Variants in TENM4 observed in about 807,000 individuals in gnomAD.
TENM4 encodes the protein teneurin-4.
Under a neutral mutation model 243.3 loss-of-function variants are expected in TENM4, and 82 were observed. The observed-to-expected ratio is 0.34, with a 90% CI of 0.28 to 0.40. The LOEUF (loss-of-function observed/expected upper bound fraction) is 0.40. TENM4 is among the 10% of genes least tolerant of loss of function. The probability of loss-of-function intolerance (pLI) is 1.00; values close to 1 mark genes in which losing one functional copy is unlikely to be tolerated. For synonymous variants in TENM4, 1,412 were observed against 1,456.3 expected (o/e 0.97, Z 0.69); for missense variants, 3,138 against 3,673.3 (o/e 0.85, Z 3.77).
At chr11:78,912,675 G>C (rs1358111391) in intron 6 of TENM4, among the ~76,000 whole-genome samples, 1 of 152,210 alleles carries the variant, frequency 6.6e-6, no homozygotes, top group Admixed American at 6.5e-5. Flanking sequence ...TAGGACTGGG[G>C]GAGAGTGCCC....
intron 3 of TENM4, among the ~76,000 whole-genome samples, chr11:79,192,143 G>T (rs1252212239): frequency 4.3e-5 from 6 of 138,650 alleles, no homozygotes; most frequent in Admixed American, 2.2e-4. Context: ...GGAGGGAGGT[G>T]GGGGGGTCAG....
chr11:78,980,605 G>T (rs550127000), intron 6 of TENM4, among the ~76,000 whole-genome samples: 1 of 152,222 alleles, frequency 6.6e-6, no homozygotes, highest in Non-Finnish European at 1.5e-5. Context: ...TAACAGTAGC[G>T]AAGTCTGGCT....
Position 78,868,762 on chromosome 11 carries a change from A to T in TENM4, c.1085-5630T>A, listed in dbSNP as rs115213640. Among the ~76,000 whole-genome samples, 605 of 152,258 alleles carry T rather than the reference A, an allele frequency of 4.0e-3. 4 individuals are homozygous for T. Among genetic ancestry groups the T allele is most frequent in the African/African-American group, 0.014 (587 of 41,542 alleles). ...TTCCAAAACTGGAATGCACAAACCCACTTGCATCTGTGCATCAGCAGCTCC... is the reference window on the plus strand; with the variant it reads ...TTCCAAAACTGGAATGCACAAACCCTCTTGCATCTGTGCATCAGCAGCTCC... On this transcript the variant is annotated intron_variant, in intron 9 of 33. Coordinates refer to ENST00000278550, the MANE Select transcript of TENM4 (RefSeq NM_001098816.3).
At chr11:79,003,469 A>G (rs967748619) in intron 6 of TENM4, among the ~76,000 whole-genome samples, 3 of 152,228 alleles carry the variant, frequency 2.0e-5, no homozygotes, top group Admixed American at 2.0e-4. Flanking sequence ...CAGAAATCCC[A>G]CAAGCCTGAA....
chr11:79,322,795 G>A (rs1310798469), intron 1 of TENM4, among the ~76,000 whole-genome samples: 5 of 152,180 alleles, frequency 3.3e-5, no homozygotes, highest in Non-Finnish European at 4.4e-5. Context: ...CATGTTTACT[G>A]CATAAAAATA....
chr11:78,885,056 C>T (rs973950780), intron 9 of TENM4, among the ~76,000 whole-genome samples: 2 of 152,198 alleles, frequency 1.3e-5, no homozygotes, highest in Non-Finnish European at 2.9e-5. Flanking sequence ...CTATATCACA[C>T]CTTTTTTGCT....
chr11:79,425,959 C>T (rs926150340), intron 1 of TENM4, among the ~76,000 whole-genome samples: 15 of 152,178 alleles, frequency 9.9e-5, no homozygotes, highest in African/African-American at 2.2e-4. Flanking sequence ...TGTGCCCACA[C>T]ACCTGTGCAC....
chr11:79,221,849 C>T (rs866723045), intron 2 of TENM4, among the ~76,000 whole-genome samples: 2 of 152,082 alleles, frequency 1.3e-5, no homozygotes, highest in African/African-American at 2.4e-5. Context: ...TTTTTTTACA[C>T]GTCCTCTGTG....
chr11:79,405,494 A>G (rs1858547633), intron 1 of TENM4, among the ~76,000 whole-genome samples: 1 of 152,010 alleles, frequency 6.6e-6, no homozygotes, highest in Admixed American at 6.6e-5. Flanking sequence ...AAAAAAAAAA[A>G]AGACATTTTT....
At chr11:78,856,334 C>T (rs553779488) in intron 10 of TENM4, among the ~76,000 whole-genome samples, 156 bp from the exon 11 acceptor site, 2 of 152,286 alleles carry the variant, frequency 1.3e-5, no homozygotes, top group African/African-American at 4.8e-5. Context: ...GCCCTCCCCA[C>T]ATGGAGGAGT....
intron 4 of TENM4, among the ~76,000 whole-genome samples, chr11:79,138,563 A>T (rs1862169787): frequency 6.4e-5 from 2 of 31,476 alleles, no homozygotes; most frequent in Admixed American, 7.9e-4. Flanking sequence ...ATATAAATAC[A>T]TAAAACATAT....
At chr11:78,865,015 TGACA>T (rs1858933263) in intron 9 of TENM4, among the ~76,000 whole-genome samples, 1 of 152,200 alleles carries the variant, frequency 6.6e-6, no homozygotes, top group Admixed American at 6.5e-5. Context: ...ATTTACTGTG[TGACA>T]GGCAGTATGT....
intron 6 of TENM4, among the ~76,000 whole-genome samples, chr11:78,974,930 C>T (rs965056219): frequency 1.4e-4 from 21 of 151,760 alleles, no homozygotes; most frequent in Non-Finnish European, 8.8e-5. Flanking sequence ...TATAATCTGC[C>T]CACCTTGGCT....
At chr11:79,272,724 G>T (rs1285317859) in intron 2 of TENM4, among the ~76,000 whole-genome samples, 3 of 151,936 alleles carry the variant, frequency 2.0e-5, no homozygotes, top group African/African-American at 7.3e-5. Flanking sequence ...CACTTTGCTG[G>T]GCTGACTTTC....
At chr11:79,241,435 G>A (rs1347298453) in intron 2 of TENM4, among the ~76,000 whole-genome samples, 1 of 152,044 alleles carries the variant, frequency 6.6e-6, no homozygotes, top group Non-Finnish European at 1.5e-5. Flanking sequence ...TTAACATTAA[G>A]AGAATTCGTC....
intron 6 of TENM4, among the ~76,000 whole-genome samples, chr11:78,937,547 C>T (rs1191515650): frequency 1.3e-5 from 2 of 152,196 alleles, no homozygotes; most frequent in East Asian, 3.9e-4. Context: ...TTTCAAATAG[C>T]TCCTATTAAC....
chr11:78,785,434 G>A (rs1790549), intron 16 of TENM4, among the ~76,000 whole-genome samples: 79,536 of 151,970 alleles, frequency 0.52, 23,537 homozygotes, highest in Non-Finnish European at 0.67. Flanking sequence ...ATGCCTCAGT[G>A]GAAAACCAGG....
chr11:78,832,878 A>G (rs1858015134), intron 12 of TENM4, among the ~76,000 whole-genome samples: 1 of 152,248 alleles, frequency 6.6e-6, no homozygotes, highest in African/African-American at 2.4e-5. Context: ...CAATCACCAC[A>G]GTATCCTTAA....
At chr11:79,198,755 G>A (rs995929788) in intron 3 of TENM4, among the ~76,000 whole-genome samples, 1 of 152,222 alleles carries the variant, frequency 6.6e-6, no homozygotes, top group Non-Finnish European at 1.5e-5. Context: ...TGCTGGGGAC[G>A]CAGAGGGAGG....
Sources: gnomAD v4.1 joint callset for allele counts (sites outside exome capture counted in the v4.1 genomes callset) on GRCh38, gnomAD v4.1.1 for gene constraint, MANE v1.5 for transcripts, NCBI Gene and HGNC (gene_info 2026-07-23, HGNC 2026-07-21) for gene names.